Variants in SDHC observed in about 807,000 individuals in gnomAD.
The protein encoded by SDHC is succinate dehydrogenase cytochrome b560 subunit, mitochondrial.
SDHC carries 11 observed loss-of-function variants against 22.6 expected under a neutral mutation model. The observed-to-expected ratio is 0.49, with a 90% CI of 0.31 to 0.81. SDHC has a LOEUF of 0.81. Among genes scored for constraint, SDHC ranks in the 30% least tolerant of loss-of-function variants. The pLI is 0.05. For missense variants in SDHC, 160 were observed against 212.0 expected, an observed-to-expected ratio of 0.75 and a Z score of 1.52; for synonymous variants, 80 against 77.8, an observed-to-expected ratio of 1.03 and a Z score of -0.15.
chr1:161,347,429 G>A (rs1422184672), intron 4 of SDHC, among the ~76,000 whole-genome samples: 4 of 151,444 alleles, frequency 2.6e-5, no homozygotes, highest in Non-Finnish European at 5.9e-5. Context: ...AATTTTTTTT[G>A]TATTTTTAGT....
At chr1:161,348,665 C>A (rs1336696168) in intron 4 of SDHC, among the ~76,000 whole-genome samples, 2 of 73,182 alleles carry the variant, frequency 2.7e-5, no homozygotes, top group African/African-American at 7.2e-5. Flanking sequence ...TACTAAAAAT[C>A]CAAAAAAAAA....
At chr1:161,323,499 TC>T in intron 1 of SDHC, 114 bp from the exon 2 acceptor site, 1 of 784,188 alleles carries the variant, frequency 1.3e-6, no homozygotes, top group Admixed American at 2.0e-5. Context: ...ACTGATACTG[TC>T]ATTGTTTTTA....
intron 1 of SDHC, among the ~76,000 whole-genome samples, chr1:161,317,099 A>G (rs1047687694): frequency 6.6e-6 from 1 of 150,678 alleles, no homozygotes; most frequent in African/African-American, 2.4e-5. Context: ...GCTCACTGCA[A>G]CCGCCCCTGC....
At chr1:161,326,730 A>G (rs1371342346) in intron 2 of SDHC, 3 of 150,106 alleles carry the variant, frequency 2.0e-5, no homozygotes, top group African/African-American at 4.9e-5. Context: ...AGTTCAAGTG[A>G]TTATCCTGCC....
At chr1:161,351,256 A>G (rs1451534020) in intron 4 of SDHC, among the ~76,000 whole-genome samples, 1 of 152,160 alleles carries the variant, frequency 6.6e-6, no homozygotes, top group Non-Finnish European at 1.5e-5. Flanking sequence ...AGGTTTTGCC[A>G]TCTATCTTCT....
At chr1:161,358,514 G>C (rs1354406027) in intron 5 of SDHC, among the ~76,000 whole-genome samples, 1 of 152,034 alleles carries the variant, frequency 6.6e-6, no homozygotes, top group Non-Finnish European at 1.5e-5. Flanking sequence ...GTGTGCGCCT[G>C]TGGTCCCAGC....
chr1:161,330,010 T>C (rs1671217494), intron 3 of SDHC, among the ~76,000 whole-genome samples: 1 of 152,248 alleles, frequency 6.6e-6, no homozygotes. Context: ...TTTAATTTAA[T>C]AATATCTGCA....
At chr1:161,321,416 A>G (rs1571840221) in intron 1 of SDHC, among the ~76,000 whole-genome samples, 2 of 152,318 alleles carry the variant, frequency 1.3e-5, no homozygotes, top group South Asian at 2.1e-4. Context: ...GTTTACATTG[A>G]TATTTGTCTG....
At chr1:161,325,460 G>C (rs1197545332) in intron 2 of SDHC, among the ~76,000 whole-genome samples, 2 of 151,446 alleles carry the variant, frequency 1.3e-5, no homozygotes, top group South Asian at 2.1e-4. Context: ...TGGGCGGATT[G>C]CTTGAGCCCA....
intron 4 of SDHC, among the ~76,000 whole-genome samples, chr1:161,351,497 C>T (rs959463192): frequency 6.6e-6 from 1 of 152,132 alleles, no homozygotes; most frequent in African/African-American, 2.4e-5. Flanking sequence ...TTATTATTTA[C>T]ATTAATAATC....
intron 4 of SDHC, among the ~76,000 whole-genome samples, chr1:161,345,568 T>A (rs553112868): frequency 2.0e-5 from 3 of 152,128 alleles, no homozygotes; most frequent in African/African-American, 7.2e-5. Flanking sequence ...GCCATTCTCC[T>A]GCCTCAGCCT....
At position 161,342,149 on chromosome 1, in the gene SDHC, A is replaced by G. The variant is rs186824245; in HGVS notation, c.241+1494A>G. On this transcript the variant is annotated intron_variant, in intron 4 of 5. Transcript: ENST00000367975. The stretch of plus-strand genomic sequence containing the variant: ...GTGATTACTAGTTTAGCTGAAAGCT[A>G]TTCAGTTCAGTGGGAGCCAGAAGAG... 3.4e-4 allele frequency among the ~76,000 whole-genome samples: 52 copies of G among 152,302 alleles called. 2 individuals carry two copies. The highest frequency in any genetic ancestry group is 2.4e-3 in the Admixed American group (37 of 15,298).
At chr1:161,334,434 C>G (rs1187767059) in intron 3 of SDHC, among the ~76,000 whole-genome samples, 1 of 152,040 alleles carries the variant, frequency 6.6e-6, no homozygotes, top group Admixed American at 6.6e-5. Flanking sequence ...GAGACAGGGT[C>G]TCGCTGTGTT....
rs1670935404 is a variant in SDHC, at chr1:161,323,722, G to A, written c.77+52G>A. 4 of 1,367,638 alleles carry A rather than the reference G, an allele frequency of 2.9e-6. No homozygotes were observed. In the South Asian group the frequency reaches 4.9e-5, roughly 17 times the overall value. 84.7% of individuals were successfully genotyped at this position (1,367,638 alleles called of 1,614,324 possible). On this transcript the variant is annotated intron_variant, in intron 2 of 5. Transcript: ENST00000367975. ...TATTTATTTTTTTTTTTGAGACGGA[G>A]TCTCGCTCTGTCACCCAGGCTGGAG...
intron 2 of SDHC, among the ~76,000 whole-genome samples, chr1:161,325,940 C>T (rs1407128428): frequency 6.6e-6 from 1 of 152,152 alleles, no homozygotes; most frequent in Admixed American, 6.5e-5. Flanking sequence ...GTAGCCATGC[C>T]TGTAATCCCA....
intron 2 of SDHC, chr1:161,326,669 A>G (rs1171424086): frequency 6.9e-6 from 1 of 144,466 alleles, no homozygotes; most frequent in Non-Finnish European, 1.5e-5. Flanking sequence ...TCTGTCGACC[A>G]GGCTGGAGTG....
intron 4 of SDHC, among the ~76,000 whole-genome samples, chr1:161,349,862 T>C (rs913735624): frequency 1.3e-5 from 2 of 152,190 alleles, no homozygotes; most frequent in African/African-American, 4.8e-5. Flanking sequence ...CCACCAAGCC[T>C]CAGTATTTTT....
chr1:161,330,697 C>T (rs1351688005), intron 3 of SDHC, among the ~76,000 whole-genome samples: 2 of 152,084 alleles, frequency 1.3e-5, no homozygotes, highest in Non-Finnish European at 2.9e-5. Context: ...GTTGGTATAA[C>T]ATTCTTAAGA....
At chr1:161,332,702 G>A (rs558684086) in intron 3 of SDHC, among the ~76,000 whole-genome samples, 24 of 150,294 alleles carry the variant, frequency 1.6e-4, no homozygotes, top group Admixed American at 4.7e-4. Context: ...GCATGATCTC[G>A]GTTTACTGCA....
Sources: allele counts gnomAD v4.1 joint callset (sites outside exome capture counted in the v4.1 genomes callset), GRCh38; gene constraint gnomAD v4.1.1; transcripts MANE v1.5; gene names NCBI Gene and HGNC (gene_info 2026-07-23, HGNC 2026-07-21).